FAM83B: variants seen among roughly 807,000 people sequenced by gnomAD.
The protein encoded by FAM83B is scaffolding CK1 anchoring protein B.
A neutral mutation model predicts 38.8 loss-of-function variants in FAM83B; 26 were observed. The observed-to-expected ratio is 0.67, with a 90% CI of 0.49 to 0.93. The LOEUF (loss-of-function observed/expected upper bound fraction) is 0.93. Among genes scored for constraint, FAM83B ranks in the 40% least tolerant of loss-of-function variants. The pLI, the probability that FAM83B is intolerant of heterozygous loss-of-function variation, is 0.00. For missense variants in FAM83B, 1,237 were observed against 1,197.3 expected, an observed-to-expected ratio of 1.03 and a Z score of -0.49; for synonymous variants, 419 against 423.1, an observed-to-expected ratio of 0.99 and a Z score of 0.12.
At chr6:54,887,921 TTAAC>T (rs1772315265) in intron 2 of FAM83B, among the ~76,000 whole-genome samples, 1 of 151,612 alleles carries the variant, frequency 6.6e-6, no homozygotes, top group South Asian at 2.1e-4. Flanking sequence ...AAAATTAACT[TTAAC>T]CAACTTTTGT....
chr6:54,885,169 A>G (rs1441064930), intron 2 of FAM83B, among the ~76,000 whole-genome samples: 3 of 152,152 alleles, frequency 2.0e-5, no homozygotes, highest in African/African-American at 7.2e-5. Context: ...CCAAAAAAAA[A>G]ATAATGTTGG....
chr6:54,846,915 G>GGT (rs1771150171), intron 1 of FAM83B, 89 bp downstream of exon 1: 3 of 152,224 alleles, frequency 2.0e-5, no homozygotes, highest in African/African-American at 7.3e-5. Context: ...TACTGGGGGG[G>GGT]CCCGGGGCTT....
At chr6:54,918,431 A>G (rs949637154) in intron 2 of FAM83B, among the ~76,000 whole-genome samples, 6 of 152,134 alleles carry the variant, frequency 3.9e-5, no homozygotes, top group African/African-American at 1.4e-4. Context: ...TTTATAAAGG[A>G]AAGAGGTTTA....
chr6:54,889,076 A>G (rs1020215923), intron 2 of FAM83B, among the ~76,000 whole-genome samples: 2 of 151,872 alleles, frequency 1.3e-5, no homozygotes, highest in African/African-American at 4.8e-5. Flanking sequence ...TAATTTTGGT[A>G]TTGATATTTG....
At chr6:54,852,087 C>T (rs1771313365) in intron 1 of FAM83B, among the ~76,000 whole-genome samples, 2 of 142,238 alleles carry the variant, frequency 1.4e-5, no homozygotes, top group African/African-American at 2.5e-5. Context: ...GGCCTATTTA[C>T]AGTTCTTTAT....
rs144315431 is a variant in FAM83B at position 54,927,262 on chromosome 6, G to C, written c.610-246G>C. On this transcript the variant is annotated intron_variant, in intron 3 of 4. Transcript: ENST00000306858. ...TTATAACCCAAAAGGGTTTTTTATA[G>C]TGAGAGGCTGAGTGATCTTTGATGC... 3.1e-3 allele frequency among the ~76,000 whole-genome samples: 473 copies of C among 152,200 alleles called. 1 individual carries two copies. Among genetic ancestry groups the C allele is most frequent in the Middle Eastern group, 6.8e-3 (2 of 294 alleles).
Position 54,942,114 on chromosome 6 carries a change from TG to T in FAM83B, c.*108del. 9.0e-7 allele frequency: 1 copy of T among 1,108,240 alleles called. No homozygotes were observed. Among genetic ancestry groups the T allele is most frequent in the Non-Finnish European group, 1.3e-6 (1 of 784,888 alleles). 68.7% of individuals were successfully genotyped at this position (1,108,240 alleles called of 1,614,324 possible). A position where few individuals can be genotyped will look rare whatever the true frequency, so the allele number is the denominator to read the frequency against. Reference sequence around the variant, plus strand: ...TTTCCTAAGGACAGAATTATGGGTATGATGTATATGTTCACCAGTGTCCTAG... The same window carrying T: ...TTTCCTAAGGACAGAATTATGGGTATATGTATATGTTCACCAGTGTCCTAG... On this transcript the variant is annotated 3_prime_UTR_variant, in exon 5 of 5. Coordinates refer to ENST00000306858, the MANE Select transcript of FAM83B (RefSeq NM_001010872.3).
At chr6:54,896,244 A>G (rs1772530288) in intron 2 of FAM83B, among the ~76,000 whole-genome samples, 1 of 152,220 alleles carries the variant, frequency 6.6e-6, no homozygotes, top group Non-Finnish European at 1.5e-5. Flanking sequence ...TTGATAAAAT[A>G]TCTCATCAAC....
chr6:54,846,906 A>G (rs62412647), intron 1 of FAM83B, 80 bp downstream of exon 1: 64,825 of 151,126 alleles, frequency 0.43, 14,414 homozygotes, highest in African/African-American at 0.49. Flanking sequence ...TGCTTGGGGT[A>G]CTGGGGGGGC....
At chr6:54,908,592 C>T (rs531992108) in intron 2 of FAM83B, among the ~76,000 whole-genome samples, 4 of 152,222 alleles carry the variant, frequency 2.6e-5, no homozygotes, top group East Asian at 1.9e-4. Flanking sequence ...TTGAAGTTCT[C>T]GGACTTAAGA....
intron 2 of FAM83B, among the ~76,000 whole-genome samples, chr6:54,914,180 C>T (rs1242495687): frequency 2.0e-5 from 3 of 151,924 alleles, no homozygotes; most frequent in Admixed American, 6.6e-5. Context: ...TGTCTTTAAA[C>T]GTAAGATACC....
rs770884228 is a variant in FAM83B at position 54,941,205 on chromosome 6, A to G, written c.2234A>G (p.Asp745Gly). The change falls in exon 5 of 5, where the codon GAT becomes GGT. Residue 745 changes from aspartate to glycine, a missense_variant. Physicochemically the swap from Asp to Gly is moderately conservative, Grantham distance 94 (BLOSUM62 -1). Transcript: ENST00000306858. ...TKSVSIAALL[D>G]VNKEESNKEL... ...TCAGTTTCCATTGCTGCTTTACTTG[A>G]TGTGAATAAAGAGGAATCTAACAAA... 1.1e-5 allele frequency: 18 copies of G among 1,614,048 alleles called. No individual in the cohort carries two copies. The highest frequency in any genetic ancestry group is 1.1e-5 in the Non-Finnish European group (13 of 1,179,978).
intron 2 of FAM83B, among the ~76,000 whole-genome samples, chr6:54,917,404 T>C (rs1176571623): frequency 2.0e-5 from 3 of 152,170 alleles, no homozygotes; most frequent in Non-Finnish European, 4.4e-5. Context: ...ACTTAAGTGA[T>C]TTTTTAAAAA....
chr6:54,940,330 A>G lies in FAM83B; in HGVS notation c.1359A>G (p.Thr453=). The G allele has an allele frequency of 6.2e-7, 1 of 1,614,080 alleles. No individual in the cohort carries two copies. The highest frequency in any genetic ancestry group is 8.5e-7 in the Non-Finnish European group (1 of 1,180,006). The change falls in exon 5 of 5, where the codon ACA becomes ACG. Residue 453 remains threonine (T), a synonymous_variant. Transcript: ENST00000306858. The part of the protein sequence containing the change: ...SFANRLAQRK[T]TNLADRNSNV... Reference sequence around the variant, plus strand: ...CCAATCGGCTTGCGCAGAGAAAAACAACAAATCTTGCAGACAGGAATTCAA... The same window carrying G: ...CCAATCGGCTTGCGCAGAGAAAAACGACAAATCTTGCAGACAGGAATTCAA...
At chr6:54,869,367 T>C (rs921624975) in intron 1 of FAM83B, among the ~76,000 whole-genome samples, 1 of 152,158 alleles carries the variant, frequency 6.6e-6, no homozygotes, top group Admixed American at 6.6e-5. Context: ...AAACAGAAGT[T>C]TTGTTGAATC....
At position 54,941,317 on chromosome 6, in the gene FAM83B, C is replaced by T. The variant is rs757306443; in HGVS notation, c.2346C>T (p.Thr782=). 1.2e-6 allele frequency: 2 copies of T among 1,612,420 alleles called. No homozygotes were observed. Among genetic ancestry groups the T allele is most frequent in the Non-Finnish European group, 1.7e-6 (2 of 1,179,662 alleles). Residue 782 remains threonine (T), a synonymous_variant, in exon 5 of 5, where the codon ACC becomes ACT. Transcript: ENST00000306858. ...SQKLRSLLSL[T]PDKKENLSKN... Reference sequence around the variant, plus strand: ...AGTTAAGGTCATTACTTAGCCTTACCCCAGATAAGAAAGAAAATCTATCCA... The same window carrying T: ...AGTTAAGGTCATTACTTAGCCTTACTCCAGATAAGAAAGAAAATCTATCCA...
intron 2 of FAM83B, among the ~76,000 whole-genome samples, chr6:54,871,406 C>G (rs1194078320): frequency 6.6e-6 from 1 of 151,640 alleles, no homozygotes; most frequent in Non-Finnish European, 1.5e-5. Context: ...ATTTGCCAAG[C>G]TCAATCTAGA....
At position 54,944,076 on chromosome 6, in the gene FAM83B, G is replaced by A. The variant is rs773954336; in HGVS notation, c.*2069G>A. 27 of 152,086 alleles carry A rather than the reference G, an allele frequency of 1.8e-4. No homozygotes were observed. The highest frequency in any genetic ancestry group is 3.3e-4 in the Admixed American group (5 of 15,250). The allele number at this position is 152,086 out of a possible 1,614,324, so 9.4% of individuals were successfully genotyped here. ...GCGTTTTTTAAAAATTGTTTTTCTT[G>A]TATCTTTTTTCTTCAAAAATATCTA... is the stretch of plus-strand genomic sequence containing the variant. On this transcript the variant is annotated 3_prime_UTR_variant, in exon 5 of 5. Transcript: ENST00000306858.
In FAM83B at chr6:54,920,378, G is replaced by GA. The variant is rs530854505; in HGVS notation, c.445-5986dup. Among the ~76,000 whole-genome samples, 1,037 of 151,706 alleles carry GA rather than the reference G, an allele frequency of 6.8e-3. 5 individuals carry two copies. Among genetic ancestry groups the GA allele is most frequent in the Non-Finnish European group, 0.01 (705 of 67,746 alleles). On this transcript the variant is annotated intron_variant, in intron 2 of 4. Coordinates refer to ENST00000306858, the MANE Select transcript of FAM83B (RefSeq NM_001010872.3). ...ACTCCCTATGAGTTTTTCTTCTGCT[G>GA]AAAAAAATAAATCCTCCTATCTCTA...
Sources: allele counts gnomAD v4.1 joint callset (sites outside exome capture counted in the v4.1 genomes callset), GRCh38; gene constraint gnomAD v4.1.1; transcripts MANE v1.5; gene names NCBI Gene and HGNC (gene_info 2026-07-23, HGNC 2026-07-21).